The following PARD3B variants were observed in gnomAD, a reference collection of about 807,000 sequenced individuals.
The protein encoded by PARD3B is partitioning defective 3 homolog B.
A neutral mutation model predicts 130.2 loss-of-function variants in PARD3B; 103 were observed. The ratio of observed to expected loss-of-function variants is 0.79; its 90% CI spans 0.67 to 0.93. PARD3B has a LOEUF of 0.93. PARD3B is among the 40% of genes least tolerant of loss of function. PARD3B has a pLI of 0.00. For synonymous variants in PARD3B, 583 were observed against 553.2 expected (o/e 1.05, Z -0.76); for missense variants, 1,609 against 1,499.2 (o/e 1.07, Z -1.21).
chr2:205,137,184 A>G (rs1306573705), intron 10 of PARD3B, among the ~76,000 whole-genome samples: 1 of 152,216 alleles, frequency 6.6e-6, no homozygotes, highest in African/African-American at 2.4e-5. Context: ...AAGAAATTAA[A>G]GTTCTTTAAA....
intron 1 of PARD3B, among the ~76,000 whole-genome samples, chr2:204,624,581 T>C (rs967561330): frequency 2.0e-5 from 3 of 152,174 alleles, no homozygotes; most frequent in Admixed American, 6.5e-5. Flanking sequence ...AATTGTTGAG[T>C]AGTGTTCCAT....
intron 2 of PARD3B, among the ~76,000 whole-genome samples, chr2:204,772,134 A>G (rs1445394607): frequency 1.3e-5 from 2 of 152,100 alleles, no homozygotes; most frequent in Non-Finnish European, 2.9e-5. Flanking sequence ...TAGAATTAGT[A>G]TTGCTTACAA....
At position 204,545,951 on chromosome 2, in the gene PARD3B, G is replaced by C; in HGVS notation, c.-49G>C. 6.7e-7 allele frequency: 1 copy of C among 1,490,468 alleles called. No homozygotes were observed. The highest frequency in any genetic ancestry group is 8.9e-7 in the Non-Finnish European group (1 of 1,121,018). 92.3% of individuals were successfully genotyped at this position (1,490,468 alleles called of 1,614,324 possible). ...TCCGAGAGTGGGGGCTGCGCCCGCG[G>C]GGTCAGACACCTGTTCGGCCCGGCC... On this transcript the variant is annotated 5_prime_UTR_variant, in exon 1 of 23. Transcript: ENST00000406610.
chr2:204,564,520 A>G (rs2031550790), intron 1 of PARD3B, among the ~76,000 whole-genome samples: 1 of 152,162 alleles, frequency 6.6e-6, no homozygotes, highest in Non-Finnish European at 1.5e-5. Flanking sequence ...TATATTTATC[A>G]TATTATAAAT....
chr2:205,337,312 C>A (rs1412083609), intron 18 of PARD3B, among the ~76,000 whole-genome samples: 1 of 152,198 alleles, frequency 6.6e-6, no homozygotes, highest in Non-Finnish European at 1.5e-5. Flanking sequence ...AGCATACTTA[C>A]ATCTTCTTTA....
chr2:204,605,276 A>G (rs2033670515), intron 1 of PARD3B, among the ~76,000 whole-genome samples: 1 of 152,232 alleles, frequency 6.6e-6, no homozygotes, highest in Non-Finnish European at 1.5e-5. Flanking sequence ...ACTCACAGCC[A>G]TCTTTAAACT....
chr2:205,114,753 CTTT>C (rs5837954), intron 6 of PARD3B, among the ~76,000 whole-genome samples: 7 of 144,502 alleles, frequency 4.8e-5, no homozygotes, highest in Non-Finnish European at 3.1e-5. Flanking sequence ...AAGTCATCAC[CTTT>C]TTTTTTTTTT....
chr2:205,430,217 G>T (rs1319317745), intron 19 of PARD3B, among the ~76,000 whole-genome samples: 1 of 152,144 alleles, frequency 6.6e-6, no homozygotes, highest in Non-Finnish European at 1.5e-5. Flanking sequence ...ATATATGCAG[G>T]TTCCTTATCC....
intron 21 of PARD3B, among the ~76,000 whole-genome samples, chr2:205,529,348 T>C (rs1252149923): frequency 6.6e-6 from 1 of 152,238 alleles, no homozygotes; most frequent in Non-Finnish European, 1.5e-5. Flanking sequence ...TTTTAAAATG[T>C]AATTTGTCGG....
intron 2 of PARD3B, among the ~76,000 whole-genome samples, chr2:204,834,022 A>C (rs1412333443): frequency 2.0e-5 from 3 of 151,668 alleles, no homozygotes; most frequent in Non-Finnish European, 1.5e-5. Context: ...TGTTGCAACT[A>C]CTTCAACTGG....
At chr2:205,596,737 A>C (rs372327458) in intron 22 of PARD3B, among the ~76,000 whole-genome samples, 3 of 152,028 alleles carry the variant, frequency 2.0e-5, no homozygotes, top group African/African-American at 7.2e-5. Context: ...TTGTGGCCAA[A>C]TAGGGTACCG....
chr2:204,950,173 T>TA (rs1341803821), intron 2 of PARD3B, among the ~76,000 whole-genome samples: 1 of 152,220 alleles, frequency 6.6e-6, no homozygotes, highest in Non-Finnish European at 1.5e-5. Context: ...CTTTATCACT[T>TA]ACTGGTCATG....
chr2:204,564,190 G>T (rs879711100), intron 1 of PARD3B, among the ~76,000 whole-genome samples: 3 of 152,172 alleles, frequency 2.0e-5, no homozygotes, highest in African/African-American at 7.2e-5. Flanking sequence ...TGGAGCATGT[G>T]TCATGTCCCC....
chr2:205,472,715 G>C (rs998720792), intron 20 of PARD3B, among the ~76,000 whole-genome samples: 1 of 152,120 alleles, frequency 6.6e-6, no homozygotes, highest in Admixed American at 6.6e-5. Flanking sequence ...CAGTTCTCAG[G>C]TTCTGTAGTA....
At position 205,011,457 on chromosome 2, in the gene PARD3B, G is replaced by T. The variant is rs915096634; in HGVS notation, c.395-36124G>T. Reference sequence around the variant, plus strand: ...TGACTCGAGAGAGAAATTAAGAGGGGCATGCTCTAAAGACAGAAGTGCAGT... The same window carrying T: ...TGACTCGAGAGAGAAATTAAGAGGGTCATGCTCTAAAGACAGAAGTGCAGT... On this transcript the variant is annotated intron_variant, in intron 3 of 22. Transcript: ENST00000406610. The surrounding 1 kb of genome is among the most constrained non-coding windows in gnomAD (Gnocchi z 4.1). 6.6e-6 allele frequency among the ~76,000 whole-genome samples: 1 copy of T among 152,162 alleles called. No homozygotes were observed. The highest frequency in any genetic ancestry group is 1.9e-4 in the East Asian group (1 of 5,180).
chr2:205,120,329 A>G (rs1470431297), intron 7 of PARD3B, among the ~76,000 whole-genome samples: 1 of 152,184 alleles, frequency 6.6e-6, no homozygotes, highest in Non-Finnish European at 1.5e-5. Context: ...ACTGATTCCT[A>G]TGCAAGCAAA....
intron 1 of PARD3B, among the ~76,000 whole-genome samples, chr2:204,581,739 A>C (rs925633446): frequency 6.6e-6 from 1 of 152,164 alleles, no homozygotes; most frequent in African/African-American, 2.4e-5. Flanking sequence ...TAAGGCACAA[A>C]AATGTTAGTT....
chr2:204,640,151 G>C (rs574628347), intron 1 of PARD3B, among the ~76,000 whole-genome samples: 4 of 152,226 alleles, frequency 2.6e-5, no homozygotes, highest in African/African-American at 9.6e-5. Flanking sequence ...ATACTTGGGA[G>C]GCTGATATAG....
intron 3 of PARD3B, among the ~76,000 whole-genome samples, chr2:204,980,448 C>T (rs964001628): frequency 6.6e-6 from 1 of 152,064 alleles, no homozygotes; most frequent in Non-Finnish European, 1.5e-5. Context: ...AGTACTTTCA[C>T]CTTGAGTATG....
Sources: allele counts gnomAD v4.1 joint callset (sites outside exome capture counted in the v4.1 genomes callset), GRCh38; gene constraint gnomAD v4.1.1; non-coding constraint Gnocchi (gnomAD v3.1); transcripts MANE v1.5; gene names NCBI Gene and HGNC (gene_info 2026-07-23, HGNC 2026-07-21).